TVP23C: variants seen among roughly 807,000 people sequenced by gnomAD.
TVP23C encodes trans-golgi network vesicle protein 23 homolog C.
A neutral mutation model predicts 28.7 loss-of-function variants in TVP23C; 19 were observed. The observed-to-expected ratio is 0.66, with a 90% CI of 0.46 to 0.97. The LOEUF (loss-of-function observed/expected upper bound fraction) is 0.97. Ranked by LOEUF, TVP23C falls within the 50% of genes least tolerant of loss-of-function variation. TVP23C has a pLI of 0.00. For missense variants in TVP23C, 186 were observed against 241.3 expected (o/e 0.77, Z 1.52); for synonymous variants, 68 against 81.7 (o/e 0.83, Z 0.90).
intron 5 of TVP23C, among the ~76,000 whole-genome samples, chr17:15,513,872 A>T (rs1004092267): frequency 2.6e-5 from 4 of 152,246 alleles, no homozygotes; most frequent in Non-Finnish European, 4.4e-5. Context: ...AGTGAAGTAA[A>T]GCCACTGTCT....
chr17:15,546,219 G>T (rs1983640567), intron 4 of TVP23C, among the ~76,000 whole-genome samples: 1 of 152,094 alleles, frequency 6.6e-6, no homozygotes, highest in Non-Finnish European at 1.5e-5. Context: ...TATTCATAAG[G>T]AAGCTCTAAA....
At chr17:15,550,238 T>C (rs933406757) in intron 3 of TVP23C, among the ~76,000 whole-genome samples, 18 of 152,240 alleles carry the variant, frequency 1.2e-4, no homozygotes, top group African/African-American at 2.7e-4. Flanking sequence ...CATTAAGGTA[T>C]AAATAACTTA....
chr17:15,538,545 G>T lies in TVP23C; in HGVS notation c.*1867C>A. The T allele has an allele frequency of 1.1e-6, 1 of 916,614 alleles. No individual in the cohort carries two copies. The highest frequency in any genetic ancestry group is 5.6e-4 in the Middle Eastern group (1 of 1,776). 56.8% of individuals were successfully genotyped at this position (916,614 alleles called of 1,614,324 possible). Reference sequence around the variant, plus strand: ...GTGGAGTTTGCAGTGAGCCGAGATCGCGCCACTGCACTCCAGCCTGGGCAA... The same window carrying T: ...GTGGAGTTTGCAGTGAGCCGAGATCTCGCCACTGCACTCCAGCCTGGGCAA... On this transcript the variant is annotated 3_prime_UTR_variant, in exon 6 of 6. Transcript: ENST00000518321.
intron 5 of TVP23C, among the ~76,000 whole-genome samples, chr17:15,506,459 T>C (rs908186539): frequency 6.6e-6 from 1 of 152,308 alleles, no homozygotes; most frequent in South Asian, 2.1e-4. Flanking sequence ...GTCAGCGCCC[T>C]GACAAAACAG....
At chr17:15,521,548 G>A (rs1387907010) in intron 5 of TVP23C, among the ~76,000 whole-genome samples, 1 of 152,146 alleles carries the variant, frequency 6.6e-6, no homozygotes, top group Admixed American at 6.5e-5. Context: ...TTAAGTTAGT[G>A]GGTATTGGTA....
chr17:15,560,528 A>G (rs1351090463), intron 1 of TVP23C, among the ~76,000 whole-genome samples: 1 of 149,460 alleles, frequency 6.7e-6, no homozygotes, highest in Non-Finnish European at 1.5e-5. Context: ...GAATGGAGTG[A>G]CCAGTGAAAG....
exon 6 of TVP23C, chr17:15,503,074 C>T (rs762034514): frequency 6.2e-7 from 1 of 1,614,106 alleles, no homozygotes; most frequent in Non-Finnish European, 8.5e-7. Flanking sequence ...GATCCGTGAT[C>T]CTCGTGAAAG....
In TVP23C at chr17:15,540,256, A is replaced by C; in HGVS notation, c.*156T>G. 7.8e-7 allele frequency: 1 copy of C among 1,289,626 alleles called. No homozygotes were observed. Among genetic ancestry groups the C allele is most frequent in the Non-Finnish European group, 1.0e-6 (1 of 1,003,466 alleles). 79.9% of individuals were successfully genotyped at this position (1,289,626 alleles called of 1,614,324 possible). On this transcript the variant is annotated 3_prime_UTR_variant, in exon 6 of 6. Coordinates refer to ENST00000518321, the MANE Select transcript of TVP23C (RefSeq NM_001135036.2). ...GCTTTAAAATAATTTTAGGATACTG[A>C]CAATACACTTCCAGACTGTCTTGAA...
intron 5 of TVP23C, among the ~76,000 whole-genome samples, chr17:15,504,550 A>G (rs1044174334): frequency 6.7e-6 from 1 of 149,166 alleles, no homozygotes; most frequent in Non-Finnish European, 1.5e-5. Context: ...GGATACTGAG[A>G]ATCATTTTAA....
chr17:15,515,875 C>T (rs1181708944), intron 5 of TVP23C, among the ~76,000 whole-genome samples: 3 of 152,124 alleles, frequency 2.0e-5, no homozygotes, highest in African/African-American at 7.2e-5. Context: ...GGCCTGGTGT[C>T]AGGTGATTGG....
At chr17:15,540,699 A>T in intron 5 of TVP23C, 138 bp from the exon 6 acceptor site, 1 of 607,112 alleles carries the variant, frequency 1.6e-6, no homozygotes, top group Non-Finnish European at 3.0e-6. Flanking sequence ...GTGCCAGTTG[A>T]GATTTTCCAG....
intron 5 of TVP23C, among the ~76,000 whole-genome samples, chr17:15,521,823 A>G (rs147029060): frequency 1.6e-4 from 25 of 152,362 alleles, no homozygotes; most frequent in African/African-American, 5.3e-4. Context: ...ACAGAGGTCT[A>G]TAAGTCACAC....
chr17:15,556,961 T>C (rs1330795650), intron 1 of TVP23C, among the ~76,000 whole-genome samples: 3 of 151,076 alleles, frequency 2.0e-5, no homozygotes, highest in Admixed American at 1.3e-4. Flanking sequence ...TGACACTGTC[T>C]TCATTGAGCA....
At chr17:15,525,593 C>T (rs1217785873) in intron 5 of TVP23C, among the ~76,000 whole-genome samples, 1 of 152,236 alleles carries the variant, frequency 6.6e-6, no homozygotes, top group East Asian at 1.9e-4. Flanking sequence ...AGCCTGCTGG[C>T]CTGCCCTACA....
intron 5 of TVP23C, among the ~76,000 whole-genome samples, chr17:15,515,626 C>A (rs1185771458): frequency 6.6e-6 from 1 of 152,124 alleles, no homozygotes; most frequent in African/African-American, 2.4e-5. Context: ...AGAATCAGAA[C>A]CCAGGAAGGC....
chr17:15,511,108 T>G (rs1342757755), intron 5 of TVP23C, among the ~76,000 whole-genome samples: 1 of 149,250 alleles, frequency 6.7e-6, no homozygotes, highest in Non-Finnish European at 1.5e-5. Flanking sequence ...CCACAGGTCA[T>G]GGGACCTTAG....
chr17:15,558,922 G>C (rs1984254547), intron 1 of TVP23C, among the ~76,000 whole-genome samples: 1 of 146,434 alleles, frequency 6.8e-6, no homozygotes, highest in African/African-American at 2.5e-5. Context: ...GGAGTGCAGT[G>C]GAACAATCAG....
intron 5 of TVP23C, among the ~76,000 whole-genome samples, chr17:15,542,013 C>T (rs1447848270): frequency 6.6e-6 from 1 of 152,114 alleles, no homozygotes; most frequent in South Asian, 2.1e-4. Flanking sequence ...TCTCCCTGCC[C>T]TTAAGGTACA....
At chr17:15,522,509 G>C (rs1352093343) in intron 5 of TVP23C, among the ~76,000 whole-genome samples, 3 of 152,126 alleles carry the variant, frequency 2.0e-5, no homozygotes, top group Admixed American at 1.3e-4. Flanking sequence ...TTCAATACAG[G>C]GTGCTGATAC....
Sources: allele counts gnomAD v4.1 joint callset (sites outside exome capture counted in the v4.1 genomes callset), GRCh38; gene constraint gnomAD v4.1.1; transcripts MANE v1.5; gene names NCBI Gene and HGNC (gene_info 2026-07-23, HGNC 2026-07-21).